EPC2: variants seen among roughly 807,000 people sequenced by gnomAD.
The protein encoded by EPC2 is enhancer of polycomb 2.
A neutral mutation model predicts 92.1 loss-of-function variants in EPC2; 14 were observed. The observed-to-expected ratio is 0.15, with a 90% CI of 0.10 to 0.24. The LOEUF (loss-of-function observed/expected upper bound fraction) is 0.24, where lower values mean the gene tolerates loss of function less well. EPC2 is among the 10% of genes least tolerant of loss of function. The pLI is 1.00. For synonymous variants in EPC2, 340 were observed against 334.7 expected, an observed-to-expected ratio of 1.02 and a Z score of -0.17; for missense variants, 755 against 971.5, an observed-to-expected ratio of 0.78 and a Z score of 2.96.
intron 3 of EPC2, among the ~76,000 whole-genome samples, chr2:148,745,331 C>T (rs1682964275): frequency 6.6e-6 from 1 of 152,034 alleles, no homozygotes; most frequent in East Asian, 1.9e-4. Context: ...ATGATACCAT[C>T]AGAAGCCTTC....
intron 2 of EPC2, among the ~76,000 whole-genome samples, chr2:148,726,093 C>G (rs1181054800): frequency 6.6e-6 from 1 of 152,148 alleles, no homozygotes; most frequent in Non-Finnish European, 1.5e-5. Context: ...TTTCATTTAG[C>G]ATAACGTCCT....
At chr2:148,700,177 TTTCATTCAC>T (rs1161767187) in intron 2 of EPC2, among the ~76,000 whole-genome samples, 1 of 152,154 alleles carries the variant, frequency 6.6e-6, no homozygotes, top group Non-Finnish European at 1.5e-5. Flanking sequence ...TGCCTTGTCT[TTTCATTCAC>T]TAACAGTGTC....
rs1173235884 is a variant in EPC2 at position 148,752,878 on chromosome 2, C to G, written c.460-1049C>G. Among the ~76,000 whole-genome samples, 3 of 152,182 alleles carry G rather than the reference C, an allele frequency of 2.0e-5. No individual in the cohort carries two copies. In the South Asian group the frequency reaches 6.2e-4, roughly 32 times the overall value. ...CATACAGGTCAATTTTTATATTGAT[C>G]TTATAATTTCAATGAGAAAAATTTT... On this transcript the variant is annotated intron_variant, in intron 3 of 13. Coordinates refer to ENST00000258484, the MANE Select transcript of EPC2 (RefSeq NM_015630.4).
chr2:148,774,624 T>TATATATATATATATATATA (rs935978031), intron 10 of EPC2, among the ~76,000 whole-genome samples: 4 of 132,574 alleles, frequency 3.0e-5, no homozygotes, highest in South Asian at 2.5e-4. Context: ...AAAATATATT[T>TATATATATATATATATATA]TATATATATA....
At chr2:148,698,829 C>CTTTT (rs56852195) in intron 2 of EPC2, among the ~76,000 whole-genome samples, 14 of 141,044 alleles carry the variant, frequency 9.9e-5, no homozygotes, top group East Asian at 8.1e-4. Flanking sequence ...ATTTTCTTCC[C>CTTTT]TTTTTTTTTT....
At chr2:148,768,035 A>ATATTGGAACCTCAAACAAAT (rs1174881294) in intron 7 of EPC2, among the ~76,000 whole-genome samples, 3 of 152,166 alleles carry the variant, frequency 2.0e-5, no homozygotes, top group Non-Finnish European at 4.4e-5. Context: ...TGGTGGAGGT[A>ATATTGGAACCTCAAACAAAT]TATTGGAACC....
chr2:148,645,348 C>T, intron 1 of EPC2, 178 bp downstream of exon 1: 1 of 570,826 alleles, frequency 1.8e-6, no homozygotes, highest in South Asian at 2.1e-5. Context: ...AGCGCCCGCC[C>T]GCGGCCGCCA....
intron 2 of EPC2, among the ~76,000 whole-genome samples, chr2:148,705,527 A>G (rs929215345): frequency 3.9e-5 from 6 of 152,118 alleles, no homozygotes; most frequent in Non-Finnish European, 7.4e-5. Flanking sequence ...CCACCTCCTC[A>G]AGTGGGTCCC....
Position 148,781,742 on chromosome 2 carries a change from T to TCTC in EPC2, c.1820_1822dup (p.Ser607_Gln608insPro). ...TGCCCAGCTTCAGCAGAAACAGCAA[T>TCTC]CTCAGCATTCCTCGCAACAGACACA... On this transcript the variant is annotated inframe_insertion, in exon 11 of 14. Coordinates refer to ENST00000258484, the MANE Select transcript of EPC2 (RefSeq NM_015630.4). 1 of 1,613,966 alleles carries TCTC rather than the reference T, an allele frequency of 6.2e-7. No individual in the cohort carries two copies. Among genetic ancestry groups the TCTC allele is most frequent in the Non-Finnish European group, 8.5e-7 (1 of 1,179,874 alleles).
At chr2:148,714,929 A>T (rs1682226009) in intron 2 of EPC2, among the ~76,000 whole-genome samples, 1 of 151,270 alleles carries the variant, frequency 6.6e-6, no homozygotes, top group Non-Finnish European at 1.5e-5. Context: ...CCATTTGTCA[A>T]GTTTTGCTTT....
intron 2 of EPC2, among the ~76,000 whole-genome samples, chr2:148,731,319 C>T (rs72864208): frequency 0.011 from 1,609 of 152,276 alleles, 16 homozygotes; most frequent in Non-Finnish European, 0.017. Context: ...CCTTTAGAAA[C>T]AAGGTGTGCT....
intron 2 of EPC2, among the ~76,000 whole-genome samples, chr2:148,726,932 T>A (rs1304942896): frequency 6.6e-6 from 1 of 152,062 alleles, no homozygotes; most frequent in Non-Finnish European, 1.5e-5. Context: ...TTTTTTAGTT[T>A]GATGTAATGC....
chr2:148,745,083 T>G (rs1682958425), intron 3 of EPC2, among the ~76,000 whole-genome samples: 1 of 150,964 alleles, frequency 6.6e-6, no homozygotes, highest in African/African-American at 2.4e-5. Flanking sequence ...AAATTCATGT[T>G]ACTGGTTTTT....
intron 1 of EPC2, chr2:148,645,505 T>C: frequency 3.7e-6 from 1 of 267,802 alleles, no homozygotes; most frequent in South Asian, 5.6e-5. Context: ...TCCACCTCCC[T>C]CTCTCAGGCG....
At chr2:148,779,456 A>G (rs1159766191) in intron 10 of EPC2, among the ~76,000 whole-genome samples, 1 of 152,056 alleles carries the variant, frequency 6.6e-6, no homozygotes, top group African/African-American at 2.4e-5. Flanking sequence ...GATGCCATGC[A>G]CCTGTAGTTC....
intron 1 of EPC2, among the ~76,000 whole-genome samples, chr2:148,682,397 A>G (rs1004925125): frequency 6.6e-6 from 1 of 152,180 alleles, no homozygotes; most frequent in African/African-American, 2.4e-5. Flanking sequence ...TTATGTTTAT[A>G]AAGTTATTAT....
At chr2:148,747,632 G>T (rs998200561) in intron 3 of EPC2, among the ~76,000 whole-genome samples, 2 of 151,988 alleles carry the variant, frequency 1.3e-5, no homozygotes, top group African/African-American at 2.4e-5. Context: ...AGTGTTTAAG[G>T]TTACCAGTGG....
At chr2:148,748,458 T>G (rs772255692) in intron 3 of EPC2, among the ~76,000 whole-genome samples, 43 of 152,146 alleles carry the variant, frequency 2.8e-4, no homozygotes, top group Non-Finnish European at 5.6e-4. Flanking sequence ...GCTGACTTCT[T>G]TAAAATCATC....
chr2:148,690,123 T>A, intron 1 of EPC2, 91 bp from the exon 2 acceptor site: 1 of 1,239,156 alleles, frequency 8.1e-7, no homozygotes, highest in Non-Finnish European at 1.1e-6. Context: ...TAAAGCACTT[T>A]GTGATTATTA....
Sources: allele counts gnomAD v4.1 joint callset (sites outside exome capture counted in the v4.1 genomes callset), GRCh38; gene constraint gnomAD v4.1.1; transcripts MANE v1.5; gene names NCBI Gene and HGNC (gene_info 2026-07-23, HGNC 2026-07-21).